Variants in MTMR3 observed in about 807,000 individuals in gnomAD.
MTMR3 encodes phosphatidylinositol-3,5-bisphosphate 3-phosphatase MTMR3.
A neutral mutation model predicts 132.4 loss-of-function variants in MTMR3; 32 were observed. That is an observed-to-expected ratio of 0.24 (90% CI 0.18 to 0.32). MTMR3 has a LOEUF of 0.32. MTMR3 is among the 10% of genes least tolerant of loss of function. The probability of loss-of-function intolerance (pLI) is 1.00; values close to 1 mark genes in which losing one functional copy is unlikely to be tolerated. For synonymous variants in MTMR3, 556 were observed against 550.3 expected, an observed-to-expected ratio of 1.01 and a Z score of -0.14; for missense variants, 1,216 against 1,489.6, an observed-to-expected ratio of 0.82 and a Z score of 3.02.
chr22:29,896,601 A>G (rs897101181), intron 1 of MTMR3, among the ~76,000 whole-genome samples: 10 of 152,128 alleles, frequency 6.6e-5, no homozygotes, highest in Non-Finnish European at 1.3e-4. Flanking sequence ...TTCACGACCC[A>G]TTTTGAACTC....
chr22:30,026,803 G>A lies in MTMR3; in HGVS notation c.*1002G>A, dbSNP rs1013307704. The A allele has an allele frequency of 4.6e-5, 7 of 152,798 alleles. No homozygotes were observed. Among genetic ancestry groups the A allele is most frequent in the Non-Finnish European group, 8.8e-5 (6 of 68,088 alleles). 9.5% of individuals were successfully genotyped at this position (152,798 alleles called of 1,614,324 possible). On this transcript the variant is annotated 3_prime_UTR_variant, in exon 20 of 20. Transcript: ENST00000401950. ...CCAATCATGGATCTTCCCTTTAAGG[G>A]GTAGAATCAGCCTTTAGAGTTACAA...
intron 2 of MTMR3, among the ~76,000 whole-genome samples, chr22:29,965,202 C>A (rs2066391123): frequency 6.6e-6 from 1 of 151,770 alleles, no homozygotes; most frequent in African/African-American, 2.4e-5. Flanking sequence ...TGTATTAATG[C>A]AGAGCTAACA....
rs772547266 is a variant in MTMR3, at chr22:29,991,587, A to T, written c.377A>T (p.Asp126Val). 1 of 1,614,112 alleles carries T rather than the reference A, an allele frequency of 6.2e-7. No homozygotes were observed. Among genetic ancestry groups the T allele is most frequent in the Non-Finnish European group, 8.5e-7 (1 of 1,179,992 alleles). ...ATCCGACCACCTGCTAAAATAGAAG[A>T]TCTCTTCTCATTTGCATACCATGCT... ...NAIRPPAKIE[D>V]LFSFAYHAWC... is the part of the protein sequence containing the mutation. Residue 126 changes from aspartate (D) to valine (V), a missense_variant, in exon 7 of 20, where the codon GAT becomes GTT. Coordinates refer to ENST00000401950, the MANE Select transcript of MTMR3 (RefSeq NM_021090.4).
At chr22:29,968,736 A>G (rs1186297529) in intron 2 of MTMR3, among the ~76,000 whole-genome samples, 1 of 152,236 alleles carries the variant, frequency 6.6e-6, no homozygotes, top group African/African-American at 2.4e-5. Context: ...GGTGTCCCCA[A>G]AGTCTACAAC....
At chr22:29,892,119 C>CT in intron 1 of MTMR3, among the ~76,000 whole-genome samples, 1 of 151,300 alleles carries the variant, frequency 6.6e-6, no homozygotes. Context: ...TGCCACTGCA[C>CT]TGCAGCCTGG....
At chr22:29,956,004 G>A (rs1329821997) in intron 1 of MTMR3, among the ~76,000 whole-genome samples, 1 of 152,072 alleles carries the variant, frequency 6.6e-6, no homozygotes, top group African/African-American at 2.4e-5. Context: ...CACCCACCTT[G>A]GCCTCCCAAA....
chr22:30,017,076 C>T (rs2067611241), intron 15 of MTMR3: 2 of 177,832 alleles, frequency 1.1e-5, no homozygotes, highest in South Asian at 1.3e-4. Context: ...CCCCAGCACC[C>T]TCCCAGTGTC....
rs549767528 is a variant in MTMR3, at chr22:29,950,776, A to G, written c.-137-6260A>G. ...TACCTTGTGATATTTCATAGAGGACATAGATTCAGAAAATAACTTTACAGA... is the reference window on the plus strand; with the variant it reads ...TACCTTGTGATATTTCATAGAGGACGTAGATTCAGAAAATAACTTTACAGA... On this transcript the variant is annotated intron_variant, in intron 1 of 19. Transcript: ENST00000401950. Among the ~76,000 whole-genome samples, 4 of 137,426 alleles carry G rather than the reference A, an allele frequency of 2.9e-5. No individual in the cohort carries two copies. In the East Asian group the frequency reaches 5.8e-4, roughly 20 times the overall value. 90.2% of individuals were successfully genotyped at this position (137,426 alleles called of 152,430 possible).
At chr22:30,019,448 A>G (rs540598198) in intron 16 of MTMR3, 32 bp from the exon 17 acceptor site, 1 of 1,563,656 alleles carries the variant, frequency 6.4e-7, no homozygotes, top group South Asian at 1.1e-5. Context: ...AGTTTCCAAG[A>G]TTTTCATTTC....
chr22:29,959,759 ATTT>A (rs35031180), intron 2 of MTMR3, among the ~76,000 whole-genome samples: 62 of 133,884 alleles, frequency 4.6e-4, no homozygotes, highest in East Asian at 6.8e-4. Context: ...AAAAGTGTTA[ATTT>A]TTTTTTTTTT....
At chr22:29,986,509 T>G (rs1176394916) in intron 5 of MTMR3, 13 of 893,276 alleles carry the variant, frequency 1.5e-5, no homozygotes, top group South Asian at 5.1e-5. Context: ...TTTGTTTTTT[T>G]TTTTCCTTCT....
At chr22:29,971,132 A>G in intron 3 of MTMR3, 70 bp downstream of exon 3, 3 of 1,478,924 alleles carry the variant, frequency 2.0e-6, no homozygotes, top group Non-Finnish European at 1.8e-6. Flanking sequence ...AGTGAACACT[A>G]ATAAATTCAT....
At chr22:29,918,362 A>G (rs895988736) in intron 1 of MTMR3, among the ~76,000 whole-genome samples, 1 of 152,264 alleles carries the variant, frequency 6.6e-6, no homozygotes, top group Non-Finnish European at 1.5e-5. Flanking sequence ...CTGATTTAAA[A>G]TAGCTTCCAT....
At chr22:29,985,990 C>T (rs2066850166) in intron 5 of MTMR3, 1 of 152,200 alleles carries the variant, frequency 6.6e-6, no homozygotes, top group African/African-American at 2.4e-5. Flanking sequence ...TCCATTTCCC[C>T]CAGCAGCTGC....
chr22:29,970,065 A>G (rs1441012218), intron 2 of MTMR3, among the ~76,000 whole-genome samples: 1 of 152,226 alleles, frequency 6.6e-6, no homozygotes, highest in Non-Finnish European at 1.5e-5. Context: ...AGAGCAACTT[A>G]CTTACTCTTT....
chr22:29,956,179 A>AC (rs2066185866), intron 1 of MTMR3, among the ~76,000 whole-genome samples: 1 of 152,194 alleles, frequency 6.6e-6, no homozygotes, highest in Non-Finnish European at 1.5e-5. Flanking sequence ...TCACAAAGGA[A>AC]CAGGTCGGTT....
chr22:29,979,085 TA>T, intron 5 of MTMR3, 33 bp downstream of exon 5: 1 of 1,418,656 alleles, frequency 7.0e-7, no homozygotes, highest in Non-Finnish European at 1.0e-6. Context: ...CCCTCTAAGG[TA>T]AATGGAGAAA....
intron 2 of MTMR3, among the ~76,000 whole-genome samples, chr22:29,966,728 T>C (rs1011207738): frequency 7.9e-5 from 2 of 25,318 alleles, no homozygotes; most frequent in Non-Finnish European, 1.5e-4. Flanking sequence ...GGGGTGTGCG[T>C]GTGTGTGTGT....
At chr22:29,927,995 C>T (rs1180636533) in intron 1 of MTMR3, among the ~76,000 whole-genome samples, 4 of 120,262 alleles carry the variant, frequency 3.3e-5, no homozygotes, top group Non-Finnish European at 6.4e-5. Context: ...CACAGAAGTA[C>T]AGTGGCATGA....
Sources: allele counts gnomAD v4.1 joint callset (sites outside exome capture counted in the v4.1 genomes callset), GRCh38; gene constraint gnomAD v4.1.1; transcripts MANE v1.5; gene names NCBI Gene and HGNC (gene_info 2026-07-23, HGNC 2026-07-21).